MOK: variants seen among roughly 807,000 people sequenced by gnomAD.
MOK encodes MAPK/MAK/MRK overlapping kinase.
MOK carries 59 observed loss-of-function variants against 54.2 expected under a neutral mutation model. The ratio of observed to expected loss-of-function variants is 1.09; its 90% CI spans 0.88 to 1.35. The LOEUF is 1.35. Ranked by LOEUF, MOK falls within the 40% of genes most tolerant of loss-of-function variation. The probability of loss-of-function intolerance (pLI) is 0.00; values close to 1 mark genes in which losing one functional copy is unlikely to be tolerated. For missense variants in MOK, 517 were observed against 526.2 expected, an observed-to-expected ratio of 0.98 and a Z score of 0.17; for synonymous variants, 210 against 202.7, an observed-to-expected ratio of 1.04 and a Z score of -0.31.
rs1049548385 is a variant in MOK, at chr14:102,232,153, A to G, written c.867-332T>C. 1.2e-4 allele frequency: 41 copies of G among 339,350 alleles called. No homozygotes were observed. The highest frequency in any genetic ancestry group is 7.3e-4 in the African/African-American group (35 of 47,744). 21.0% of individuals were successfully genotyped at this position (339,350 alleles called of 1,614,324 possible). ...CAGGGCAGACAGGTCTTAGATTCAC[A>G]TTCAGCAGGTACTTCCAGCGCCAGG... On this transcript the variant is annotated intron_variant, in intron 9 of 11. Coordinates refer to ENST00000361847, the MANE Select transcript of MOK (RefSeq NM_014226.3). This position sits in a 1 kb window ranked among gnomAD's most constrained non-coding sequence, Gnocchi z 5.1.
rs1382729659 is a variant in MOK at position 102,232,188 on chromosome 14, C to T, written c.866+347G>A. ...TACTTCCAGCGCCAGGTGACATCCA[C>T]AGTGCTCTACCATCTCAGAATGCAT... On this transcript the variant is annotated intron_variant, in intron 9 of 11. Transcript: ENST00000361847. This position sits in a 1 kb window ranked among gnomAD's most constrained non-coding sequence, Gnocchi z 5.1. 1 of 337,442 alleles carries T rather than the reference C, an allele frequency of 3.0e-6. No individual in the cohort carries two copies. Among genetic ancestry groups the T allele is most frequent in the African/African-American group, 2.1e-5 (1 of 47,778 alleles). 20.9% of individuals were successfully genotyped at this position (337,442 alleles called of 1,614,324 possible).
In MOK at chr14:102,253,629, A is replaced by G. The variant is rs1047969416; in HGVS notation, c.284-1634T>C. On this transcript the variant is annotated intron_variant, in intron 4 of 11. Transcript: ENST00000361847. ...AGTCCCCTGCAGCTGCCCTGTACTC[A>G]GCACCTGGGCTGGCTGTGCCTTGGT... 5.3e-5 allele frequency among the ~76,000 whole-genome samples: 8 copies of G among 152,340 alleles called. No individual in the cohort carries two copies. The East Asian group carries it at 1.3e-3, about 26-fold the overall frequency.
chr14:102,283,311 C>G (rs535082108), intron 2 of MOK, 167 bp downstream of exon 2: 2 of 510,726 alleles, frequency 3.9e-6, no homozygotes, highest in Non-Finnish European at 6.9e-6. Flanking sequence ...TATGAGTAAA[C>G]TCCAGTATGA....
intron 4 of MOK, among the ~76,000 whole-genome samples, chr14:102,256,819 G>A (rs928473154): frequency 1.2e-4 from 18 of 152,076 alleles, no homozygotes; most frequent in African/African-American, 4.1e-4. Flanking sequence ...CCTCCTTTAC[G>A]GTTTTTCCTT....
rs12887159 is a variant in MOK at position 102,240,576 on chromosome 14, T to C, written c.591-6787A>G. 0.11 allele frequency: 16,438 copies of C among 152,452 alleles called. 1,198 individuals are homozygous for C. Among genetic ancestry groups the C allele is most frequent in the African/African-American group, 0.2 (8,413 of 41,472 alleles). 9.4% of individuals were successfully genotyped at this position (152,452 alleles called of 1,614,324 possible). ...CTAGTAGAGACGAAGGAGACACATT[T>C]TATCTGTGGACTCAAAACTCCAGCA... On this transcript the variant is annotated intron_variant, in intron 7 of 11. Transcript: ENST00000361847. This position sits in a 1 kb window ranked among gnomAD's most constrained non-coding sequence, Gnocchi z 5.4.
intron 7 of MOK, among the ~76,000 whole-genome samples, chr14:102,242,147 G>A (rs1447118754): frequency 6.6e-6 from 1 of 152,190 alleles, no homozygotes; most frequent in African/African-American, 2.4e-5. Context: ...GACCATCACA[G>A]ACGCTTTGGG....
chr14:102,232,009 C>G lies in MOK; in HGVS notation c.867-188G>C. On this transcript the variant is annotated intron_variant, in intron 9 of 11. Transcript: ENST00000361847. This position sits in a 1 kb window ranked among gnomAD's most constrained non-coding sequence, Gnocchi z 5.1. The stretch of plus-strand genomic sequence containing the variant: ...AGCCTGACAGTCTCTGGGCCAGGAA[C>G]AGAGCTGGCTCCATGAATCAGAAGC... 1 of 523,338 alleles carries G rather than the reference C, an allele frequency of 1.9e-6. No individual in the cohort carries two copies. Among genetic ancestry groups the G allele is most frequent in the Non-Finnish European group, 3.4e-6 (1 of 295,486 alleles). 32.4% of individuals were successfully genotyped at this position (523,338 alleles called of 1,614,324 possible).
At chr14:102,253,986 TTTTTC>T (rs1733835497) in intron 4 of MOK, among the ~76,000 whole-genome samples, 1 of 149,712 alleles carries the variant, frequency 6.7e-6, no homozygotes, top group Admixed American at 6.6e-5. Flanking sequence ...TGCAATTAGC[TTTTTC>T]TTTTTTTTTT....
At chr14:102,276,648 G>A (rs1018951261) in intron 2 of MOK, among the ~76,000 whole-genome samples, 21 of 151,854 alleles carry the variant, frequency 1.4e-4, no homozygotes, top group Non-Finnish European at 2.2e-4. Context: ...AAAATTAGCC[G>A]GGTGTGATGG....
intron 4 of MOK, among the ~76,000 whole-genome samples, chr14:102,261,281 T>G: frequency 1.6e-5 from 2 of 127,262 alleles, no homozygotes; most frequent in South Asian, 2.6e-4. Context: ...TAGCCAAGTG[T>G]GGTAGCACAT....
At position 102,283,555 on chromosome 14, in the gene MOK, A is replaced by G; in HGVS notation, c.45T>C (p.Phe15=). The G allele has an allele frequency of 6.2e-7, 1 of 1,613,638 alleles. No individual in the cohort carries two copies. Among genetic ancestry groups the G allele is most frequent in the Non-Finnish European group, 8.5e-7 (1 of 1,179,790 alleles). Residue 15 remains phenylalanine, a synonymous_variant, in exon 2 of 12, where the codon TTT becomes TTC. Coordinates refer to ENST00000361847, the MANE Select transcript of MOK (RefSeq NM_014226.3). The part of the protein sequence containing the change: ...KAIGKIGEGT[F]SEVMKMQSLR... ...GGCTTTGCATCTTCATAACTTCAGA[A>G]AACGTTCCCTCTCCTATTTTGCCAA...
intron 7 of MOK, among the ~76,000 whole-genome samples, chr14:102,243,662 G>A (rs1185586089): frequency 6.6e-6 from 1 of 152,130 alleles, no homozygotes; most frequent in East Asian, 1.9e-4. Context: ...AATTACCAGT[G>A]TTCCTGGCCC....
chr14:102,252,602 A>C (rs1409944305), intron 4 of MOK, among the ~76,000 whole-genome samples: 2 of 152,144 alleles, frequency 1.3e-5, no homozygotes, highest in African/African-American at 4.8e-5. Flanking sequence ...AGCACCATGT[A>C]ATTTTTAGAA....
chr14:102,284,821 T>C (rs571594936), intron 1 of MOK, among the ~76,000 whole-genome samples: 9 of 152,278 alleles, frequency 5.9e-5, no homozygotes, highest in Admixed American at 2.0e-4. Context: ...CTCACGCCTG[T>C]AATCCCTGCA....
intron 7 of MOK, among the ~76,000 whole-genome samples, chr14:102,237,799 C>T (rs35535562): frequency 0.052 from 7,932 of 152,266 alleles, 282 homozygotes; most frequent in Non-Finnish European, 0.069. Context: ...CAGAGGATGG[C>T]CAACCTGTCT....
chr14:102,294,273 C>T (rs902358914), intron 1 of MOK, among the ~76,000 whole-genome samples: 66 of 151,994 alleles, frequency 4.3e-4, no homozygotes, highest in African/African-American at 1.2e-3. Context: ...GGTGAAACCC[C>T]GTCTCTACTA....
At chr14:102,289,877 G>A (rs2070563045) in intron 1 of MOK, among the ~76,000 whole-genome samples, 1 of 152,158 alleles carries the variant, frequency 6.6e-6, no homozygotes, top group Non-Finnish European at 1.5e-5. Context: ...AGATTTACTG[G>A]TCCTTACAAT....
At chr14:102,216,945 T>A in the MOK span, among the ~76,000 whole-genome samples, 10 of 152,134 alleles carry the variant, frequency 6.6e-5, no homozygotes, top group East Asian at 1.4e-3. Flanking sequence ...AGAAAAAAAA[T>A]AGCCATTTCT....
chr14:102,260,730 C>T (rs540047602), intron 4 of MOK: 1 of 152,278 alleles, frequency 6.6e-6, no homozygotes, highest in South Asian at 2.1e-4. Context: ...CTGTTTTCTA[C>T]AATCGCTGTA....
Sources: allele counts gnomAD v4.1 joint callset (sites outside exome capture counted in the v4.1 genomes callset), GRCh38; gene constraint gnomAD v4.1.1; non-coding constraint Gnocchi (gnomAD v3.1); transcripts MANE v1.5; gene names NCBI Gene and HGNC (gene_info 2026-07-23, HGNC 2026-07-21).